EXOC6B: variants seen among roughly 807,000 people sequenced by gnomAD.
EXOC6B encodes SEC15 homolog B.
A neutral mutation model predicts 113.5 loss-of-function variants in EXOC6B; 54 were observed. The ratio of observed to expected loss-of-function variants is 0.48; its 90% confidence interval spans 0.38 to 0.60. The LOEUF is 0.60. EXOC6B is among the 20% of genes least tolerant of loss of function. EXOC6B has a pLI of 0.00. For missense variants in EXOC6B, 797 were observed against 977.5 expected, an observed-to-expected ratio of 0.82 and a Z score of 2.46; for synonymous variants, 357 against 339.0, an observed-to-expected ratio of 1.05 and a Z score of -0.58.
At chr2:72,410,120 G>C (rs918690800) in intron 18 of EXOC6B, among the ~76,000 whole-genome samples, 7 of 152,138 alleles carry the variant, frequency 4.6e-5, no homozygotes, top group African/African-American at 1.7e-4. Context: ...TGACAAAATT[G>C]GTTCTGACAG....
intron 6 of EXOC6B, among the ~76,000 whole-genome samples, chr2:72,593,167 A>C (rs1308054421): frequency 2.0e-5 from 3 of 152,168 alleles, no homozygotes; most frequent in Admixed American, 6.5e-5. Flanking sequence ...CCCTTCCTCC[A>C]TACCTTGTCC....
At chr2:72,501,690 G>A (rs546944429) in intron 11 of EXOC6B, among the ~76,000 whole-genome samples, 24 of 147,308 alleles carry the variant, frequency 1.6e-4, no homozygotes, top group African/African-American at 5.5e-4. Context: ...TTTACTTGAA[G>A]TAAAATTTTG....
chr2:72,320,388 T>C (rs1158058422), intron 20 of EXOC6B, among the ~76,000 whole-genome samples: 1 of 151,930 alleles, frequency 6.6e-6, no homozygotes, highest in East Asian at 1.9e-4. Context: ...ACAGGTCAAT[T>C]GAACATAATA....
At chr2:72,662,881 G>A (rs1035179580) in intron 6 of EXOC6B, among the ~76,000 whole-genome samples, 1 of 152,082 alleles carries the variant, frequency 6.6e-6, no homozygotes, top group Non-Finnish European at 1.5e-5. Context: ...TGGGATCACA[G>A]GCATGCTAAT....
chr2:72,326,810 C>T (rs140250668), intron 20 of EXOC6B, among the ~76,000 whole-genome samples: 3 of 151,622 alleles, frequency 2.0e-5, no homozygotes, highest in Non-Finnish European at 4.4e-5. Flanking sequence ...TACTTTTGCA[C>T]CAACATAATA....
chr2:72,660,903 C>A (rs1416890526), intron 6 of EXOC6B, among the ~76,000 whole-genome samples: 1 of 151,708 alleles, frequency 6.6e-6, no homozygotes, highest in Non-Finnish European at 1.5e-5. Context: ...ACTCCAAGAC[C>A]AGTTGTCTAG....
chr2:72,236,954 G>A (rs1487291851), intron 20 of EXOC6B, among the ~76,000 whole-genome samples: 5 of 151,986 alleles, frequency 3.3e-5, no homozygotes, highest in African/African-American at 1.2e-4. Flanking sequence ...CTTCTGGAAT[G>A]ATTTTCTACT....
At chr2:72,223,527 T>G (rs1243602288) in intron 20 of EXOC6B, among the ~76,000 whole-genome samples, 1 of 152,180 alleles carries the variant, frequency 6.6e-6, no homozygotes, top group Non-Finnish European at 1.5e-5. Flanking sequence ...AAAATTAAAT[T>G]TTTTGCCTTT....
At chr2:72,545,847 C>T (rs1702867438) in intron 8 of EXOC6B, among the ~76,000 whole-genome samples, 1 of 152,130 alleles carries the variant, frequency 6.6e-6, no homozygotes, top group African/African-American at 2.4e-5. Flanking sequence ...TTCCCAAGTG[C>T]TTTACTGTAA....
chr2:72,669,086 C>CA (rs1675600000), intron 6 of EXOC6B, among the ~76,000 whole-genome samples: 1 of 151,446 alleles, frequency 6.6e-6, no homozygotes, highest in African/African-American at 2.4e-5. Flanking sequence ...GACCTTATAT[C>CA]AAAAAATATA....
chr2:72,536,485 A>G (rs1488836771), intron 8 of EXOC6B, among the ~76,000 whole-genome samples: 1 of 152,226 alleles, frequency 6.6e-6, no homozygotes, highest in East Asian at 1.9e-4. Context: ...ATTTTTAAAT[A>G]TCTTACCATC....
At chr2:72,179,584 A>C in intron 21 of EXOC6B, 123 bp from the exon 22 acceptor site, 1 of 1,124,976 alleles carries the variant, frequency 8.9e-7, no homozygotes, top group South Asian at 1.3e-5. Flanking sequence ...AGAGTCCAGA[A>C]TATCTCCACT....
At chr2:72,244,539 A>C (rs1682534775) in intron 20 of EXOC6B, among the ~76,000 whole-genome samples, 1 of 152,130 alleles carries the variant, frequency 6.6e-6, no homozygotes, top group Admixed American at 6.5e-5. Context: ...ATCAGAAGAA[A>C]AAAAAGCAAT....
intron 18 of EXOC6B, among the ~76,000 whole-genome samples, chr2:72,387,144 G>A (rs1007017904): frequency 2.0e-5 from 3 of 152,104 alleles, no homozygotes; most frequent in Non-Finnish European, 4.4e-5. Context: ...TGAGCACATG[G>A]ATACACTCAC....
At chr2:72,375,917 C>G (rs1041564482) in intron 19 of EXOC6B, among the ~76,000 whole-genome samples, 14 of 152,162 alleles carry the variant, frequency 9.2e-5, no homozygotes, top group African/African-American at 3.4e-4. Flanking sequence ...GCTTGGAAGC[C>G]TCAGCGTAGC....
intron 6 of EXOC6B, among the ~76,000 whole-genome samples, chr2:72,576,453 G>C (rs970596258): frequency 1.3e-5 from 2 of 152,046 alleles, no homozygotes; most frequent in Admixed American, 6.5e-5. Context: ...CATTATTAGA[G>C]CTAGAAGGTA....
chr2:72,564,207 C>T (rs1348960652), intron 7 of EXOC6B, among the ~76,000 whole-genome samples: 2 of 152,128 alleles, frequency 1.3e-5, no homozygotes, highest in Admixed American at 6.5e-5. Flanking sequence ...AATAGAAATG[C>T]ATTAGTACAC....
rs532316658 is a variant in EXOC6B, at chr2:72,434,233, G to A, written c.1980+30927C>T. ...GTTGATTTGCATATATTGAACCAGC[G>A]TTGCATCCCAGGGATGAACCCAACT... On this transcript the variant is annotated intron_variant, in intron 18 of 21. Coordinates refer to ENST00000272427, the MANE Select transcript of EXOC6B (RefSeq NM_015189.3). Among the ~76,000 whole-genome samples, 49 of 152,220 alleles carry A rather than the reference G, an allele frequency of 3.2e-4. 1 individual carries two copies. Among genetic ancestry groups the A allele is most frequent in the Admixed American group, 9.2e-4 (14 of 15,286 alleles).
chr2:72,499,882 G>T lies in EXOC6B; in HGVS notation c.1239+19C>A. On this transcript the variant is annotated intron_variant, in intron 12 of 21. Coordinates refer to ENST00000272427, the MANE Select transcript of EXOC6B (RefSeq NM_015189.3). ...ATAATACCAATCTAGATGAGCATATGTAAACAGAAATCACATACCTGAAGT... is the reference window on the plus strand; with the variant it reads ...ATAATACCAATCTAGATGAGCATATTTAAACAGAAATCACATACCTGAAGT... 6.6e-7 allele frequency: 1 copy of T among 1,518,370 alleles called. No homozygotes were observed. The highest frequency in any genetic ancestry group is 1.4e-5 in the African/African-American group (1 of 72,464). The allele number at this position is 1,518,370 out of a possible 1,614,324, so 94.1% of individuals were successfully genotyped here. A position where few individuals can be genotyped will look rare whatever the true frequency, so the allele number is the denominator to read the frequency against.
Sources: gnomAD v4.1 joint callset for allele counts (sites outside exome capture counted in the v4.1 genomes callset) on GRCh38, gnomAD v4.1.1 for gene constraint, MANE v1.5 for transcripts, NCBI Gene and HGNC (gene_info 2026-07-23, HGNC 2026-07-21) for gene names.